The following TBC1D1 variants were observed in gnomAD, a reference collection of about 807,000 sequenced individuals.
TBC1D1 encodes TBC1 (tre-2/USP6, BUB2, cdc16) domain family, member 1.
A neutral mutation model predicts 125.6 loss-of-function variants in TBC1D1; 89 were observed. That is an observed-to-expected ratio of 0.71 (90% confidence interval 0.60 to 0.85). The LOEUF is 0.85. Ranked by LOEUF, TBC1D1 falls within the 40% of genes least tolerant of loss-of-function variation. The pLI, the probability that TBC1D1 is intolerant of heterozygous loss-of-function variation, is 0.00. For missense variants in TBC1D1, 1,377 were observed against 1,469.2 expected (o/e 0.94, Z 1.03); for synonymous variants, 565 against 564.1 (o/e 1.00, Z -0.02).
Position 38,138,032 on chromosome 4 carries a change from GATC to G in TBC1D1, c.*702_*704del, listed in dbSNP as rs1766916696. The stretch of plus-strand genomic sequence containing the variant: ...TTAAGATCACTTTATTGAATTTGAA[GATC>G]ATCAAATTAAATAAAATGATTTATT... On this transcript the variant is annotated 3_prime_UTR_variant, in exon 20 of 20. Transcript: ENST00000261439. The G allele has an allele frequency of 6.6e-6, 1 of 152,338 alleles. No individual in the cohort carries two copies. The highest frequency in any genetic ancestry group is 6.5e-5 in the Admixed American group (1 of 15,270). The allele number at this position is 152,338 out of a possible 1,614,324, so 9.4% of individuals were successfully genotyped here.
intron 2 of TBC1D1, among the ~76,000 whole-genome samples, chr4:38,011,799 G>GA (rs1275570798): frequency 4.0e-5 from 6 of 151,848 alleles, no homozygotes; most frequent in African/African-American, 9.7e-5. Context: ...TTGGTCCTTG[G>GA]AAAAAAAACT....
At chr4:38,054,910 T>TTG (rs1751400348) in intron 12 of TBC1D1, 1 of 153,622 alleles carries the variant, frequency 6.5e-6, no homozygotes, top group Non-Finnish European at 1.4e-5. Context: ...ACGGGGGTTG[T>TTG]GGGGGAGCGT....
intron 6 of TBC1D1, 123 bp from the exon 7 acceptor site, chr4:38,027,665 C>T: frequency 1.9e-6 from 1 of 524,292 alleles, no homozygotes; most frequent in African/African-American, 2.0e-5. Context: ...TTTTTTATTT[C>T]CTAAAACCTT....
At chr4:37,905,198 G>A (rs925341984) in intron 2 of TBC1D1, among the ~76,000 whole-genome samples, 1 of 152,156 alleles carries the variant, frequency 6.6e-6, no homozygotes, top group Non-Finnish European at 1.5e-5. Flanking sequence ...TAGAATATGA[G>A]GAAACTTCAA....
chr4:38,096,507 G>A (rs1029729998), intron 14 of TBC1D1, among the ~76,000 whole-genome samples: 3 of 152,254 alleles, frequency 2.0e-5, no homozygotes, highest in African/African-American at 4.8e-5. Flanking sequence ...TTACTTTGCA[G>A]TGTGATCTTA....
At chr4:38,105,007 G>C (rs1001957181) in intron 15 of TBC1D1, among the ~76,000 whole-genome samples, 2 of 152,124 alleles carry the variant, frequency 1.3e-5, no homozygotes, top group East Asian at 3.9e-4. Flanking sequence ...CTCCCGCCTT[G>C]GCCTCTCAAA....
At chr4:38,128,893 A>G (rs1334141213) in intron 18 of TBC1D1, among the ~76,000 whole-genome samples, 1 of 152,234 alleles carries the variant, frequency 6.6e-6, no homozygotes, top group African/African-American at 2.4e-5. Flanking sequence ...TTCTTGTCAC[A>G]GTGGGTGCTC....
At chr4:38,086,068 CTCCCTTTATAAATT>C (rs1757431744) in intron 12 of TBC1D1, among the ~76,000 whole-genome samples, 1 of 152,188 alleles carries the variant, frequency 6.6e-6, no homozygotes, top group South Asian at 2.1e-4. Flanking sequence ...TTTTAACTAT[CTCCCTTTATAAATT>C]ACTGAGCTAT....
chr4:38,081,715 C>G (rs1414017406), intron 12 of TBC1D1, among the ~76,000 whole-genome samples: 1 of 152,062 alleles, frequency 6.6e-6, no homozygotes, highest in Non-Finnish European at 1.5e-5. Flanking sequence ...TTCATTTAAT[C>G]CCCACAACAA....
At chr4:38,059,490 G>A (rs1462989638) in intron 12 of TBC1D1, among the ~76,000 whole-genome samples, 2 of 152,228 alleles carry the variant, frequency 1.3e-5, no homozygotes, top group Admixed American at 6.5e-5. Context: ...CTGTTTAAAT[G>A]TAAAGCAAAT....
At chr4:38,011,159 C>T (rs1741398892) in intron 2 of TBC1D1, among the ~76,000 whole-genome samples, 2 of 152,074 alleles carry the variant, frequency 1.3e-5, no homozygotes, top group Admixed American at 6.5e-5. Context: ...CAAGACCAGC[C>T]TGACCGACAA....
intron 15 of TBC1D1, among the ~76,000 whole-genome samples, chr4:38,108,287 C>CT (rs1439459813): frequency 6.6e-6 from 1 of 152,318 alleles, no homozygotes; most frequent in East Asian, 1.9e-4. Flanking sequence ...GCCTAGAACA[C>CT]TTTCCAGCCA....
At chr4:37,904,245 T>A (rs1372079528) in intron 2 of TBC1D1, among the ~76,000 whole-genome samples, 1 of 152,238 alleles carries the variant, frequency 6.6e-6, no homozygotes, top group Non-Finnish European at 1.5e-5. Context: ...ATATGCTAAT[T>A]TCATTTCACG....
chr4:38,122,812 A>G (rs887802802), intron 17 of TBC1D1, among the ~76,000 whole-genome samples: 16 of 152,232 alleles, frequency 1.1e-4, no homozygotes, highest in Admixed American at 2.0e-4. Context: ...TTTTAATTAC[A>G]TTAAATACAA....
intron 2 of TBC1D1, among the ~76,000 whole-genome samples, chr4:37,961,790 A>G (rs1730112206): frequency 6.6e-6 from 1 of 152,304 alleles, no homozygotes; most frequent in Non-Finnish European, 1.5e-5. Context: ...CTATTTAAGA[A>G]CCATCAAAGG....
At chr4:37,933,850 G>A (rs1471170772) in intron 2 of TBC1D1, among the ~76,000 whole-genome samples, 1 of 152,124 alleles carries the variant, frequency 6.6e-6, no homozygotes, top group Non-Finnish European at 1.5e-5. Flanking sequence ...CAAGGAAAGT[G>A]GCATAGTCTT....
Position 38,020,588 on chromosome 4 carries a change from C to T in TBC1D1, c.973-3C>T, listed in dbSNP as rs779992344. ...TGAACATCTCGTTCTCTCCCTTTGGCAGGGCATCAGACACGTGGACCACTT... is the reference window on the plus strand; with the variant it reads ...TGAACATCTCGTTCTCTCCCTTTGGTAGGGCATCAGACACGTGGACCACTT... On this transcript the variant is annotated splice_region_variant and splice_polypyrimidine_tract_variant and intron_variant, in intron 4 of 19. Coordinates refer to ENST00000261439, the MANE Select transcript of TBC1D1 (RefSeq NM_015173.4). The T allele has an allele frequency of 1.6e-5, 26 of 1,611,494 alleles. No individual in the cohort carries two copies. In the South Asian group the frequency reaches 2.9e-4, roughly 18 times the overall value.
chr4:38,080,686 C>T (rs989795130), intron 12 of TBC1D1, among the ~76,000 whole-genome samples: 3 of 151,750 alleles, frequency 2.0e-5, no homozygotes, highest in Admixed American at 6.6e-5. Flanking sequence ...CCCCGACGAA[C>T]GTCTCACTTG....
intron 12 of TBC1D1, among the ~76,000 whole-genome samples, chr4:38,083,614 C>G (rs1756954626): frequency 6.6e-6 from 1 of 152,166 alleles, no homozygotes; most frequent in Non-Finnish European, 1.5e-5. Flanking sequence ...ATCCTATGAA[C>G]TAGTCAGTTT....
Sources: gnomAD v4.1 joint callset for allele counts (sites outside exome capture counted in the v4.1 genomes callset) on GRCh38, gnomAD v4.1.1 for gene constraint, MANE v1.5 for transcripts, NCBI Gene and HGNC (gene_info 2026-07-23, HGNC 2026-07-21) for gene names.